The following PITPNC1 variants were observed in gnomAD, a reference collection of about 807,000 sequenced individuals.
PITPNC1 encodes the protein phosphatidylinositol transfer protein cytoplasmic 1, also known as cytoplasmic phosphatidylinositol transfer protein 1.
PITPNC1 carries 18 observed loss-of-function variants against 44.7 expected under a neutral mutation model. That is an observed-to-expected ratio of 0.40 (90% confidence interval 0.28 to 0.60). PITPNC1 has a LOEUF of 0.60. Ranked by LOEUF, PITPNC1 falls within the 20% of genes least tolerant of loss-of-function variation. The pLI is 0.39. For synonymous variants in PITPNC1, 141 were observed against 149.6 expected, an observed-to-expected ratio of 0.94 and a Z score of 0.42; for missense variants, 290 against 418.4, an observed-to-expected ratio of 0.69 and a Z score of 2.68.
At chr17:67,675,572 G>T in intron 8 of PITPNC1, 30 bp downstream of exon 8, 1 of 1,459,744 alleles carries the variant, frequency 6.9e-7, no homozygotes, top group Non-Finnish European at 9.6e-7. Flanking sequence ...ATAACTTGTA[G>T]AACAACTTCA....
chr17:67,538,579 A>G (rs2040562028), intron 2 of PITPNC1, among the ~76,000 whole-genome samples: 1 of 152,178 alleles, frequency 6.6e-6, no homozygotes, highest in Non-Finnish European at 1.5e-5. Flanking sequence ...CAGCCTGGGC[A>G]ACAGAGCAAG....
intron 1 of PITPNC1, among the ~76,000 whole-genome samples, chr17:67,439,923 C>T (rs2038989137): frequency 6.6e-6 from 1 of 152,058 alleles, no homozygotes; most frequent in Non-Finnish European, 1.5e-5. Context: ...AAAAAGCAAA[C>T]AAACAAGTTA....
At chr17:67,447,539 A>T (rs1213420211) in intron 1 of PITPNC1, among the ~76,000 whole-genome samples, 3 of 151,166 alleles carry the variant, frequency 2.0e-5, no homozygotes, top group Non-Finnish European at 4.4e-5. Context: ...TAATTTTAAA[A>T]TTTTTTTGTA....
intron 1 of PITPNC1, among the ~76,000 whole-genome samples, chr17:67,466,303 A>C (rs1190462774): frequency 3.3e-5 from 5 of 152,142 alleles, no homozygotes; most frequent in Non-Finnish European, 5.9e-5. Flanking sequence ...TGGAATTTAC[A>C]GGTGTGAGCC....
intron 5 of PITPNC1, among the ~76,000 whole-genome samples, chr17:67,606,566 C>T (rs1275334262): frequency 1.3e-5 from 2 of 152,174 alleles, no homozygotes; most frequent in Non-Finnish European, 2.9e-5. Context: ...AAAGTGAGGA[C>T]CCTTTGCCTG....
chr17:67,667,348 G>A (rs529104258), intron 6 of PITPNC1, among the ~76,000 whole-genome samples: 2 of 151,834 alleles, frequency 1.3e-5, no homozygotes, highest in African/African-American at 2.4e-5. Context: ...GGGCAACATG[G>A]CAATACCCCA....
chr17:67,416,948 G>C (rs1319255075), intron 1 of PITPNC1, among the ~76,000 whole-genome samples: 1 of 151,700 alleles, frequency 6.6e-6, no homozygotes, highest in Non-Finnish European at 1.5e-5. Context: ...GAGTAGCTGG[G>C]ATTACAGGCA....
chr17:67,666,885 C>G (rs1478882049), intron 6 of PITPNC1, among the ~76,000 whole-genome samples: 1 of 152,240 alleles, frequency 6.6e-6, no homozygotes. Flanking sequence ...CTTGGCGGAG[C>G]CACGGCCAGA....
intron 2 of PITPNC1, among the ~76,000 whole-genome samples, chr17:67,535,710 CT>C (rs1328421481): frequency 6.6e-6 from 1 of 152,152 alleles, no homozygotes; most frequent in Non-Finnish European, 1.5e-5. Flanking sequence ...TGAAATATAA[CT>C]ATGTAAAGAA....
At chr17:67,654,309 T>A (rs995264899) in intron 6 of PITPNC1, among the ~76,000 whole-genome samples, 31 of 152,208 alleles carry the variant, frequency 2.0e-4, no homozygotes, top group African/African-American at 7.5e-4. Context: ...CCACCCAGGC[T>A]TTCACTCACA....
chr17:67,684,761 A>G lies in PITPNC1; in HGVS notation c.683-7811A>G, dbSNP rs568129051. On this transcript the variant is annotated intron_variant, in intron 8 of 8. Coordinates refer to ENST00000581322, the MANE Select transcript of PITPNC1 (RefSeq NM_012417.4). ...CTATCAGTCCCCTGGGTTGTTTTCA[A>G]TTTTTCATTATTATGAACATTGCTG... Among the ~76,000 whole-genome samples, 6 of 152,124 alleles carry G rather than the reference A, an allele frequency of 3.9e-5. No homozygotes were observed. In the South Asian group the frequency reaches 1.2e-3, roughly 31 times the overall value.
chr17:67,494,974 C>T (rs868557598), intron 1 of PITPNC1, among the ~76,000 whole-genome samples: 1 of 135,392 alleles, frequency 7.4e-6, no homozygotes, highest in Middle Eastern at 3.9e-3. Flanking sequence ...TCGTCTCAAA[C>T]TGGCAAAAAA....
intron 2 of PITPNC1, among the ~76,000 whole-genome samples, chr17:67,536,431 T>C (rs529803616): frequency 1.3e-5 from 2 of 152,170 alleles, no homozygotes; most frequent in Non-Finnish European, 2.9e-5. Context: ...TTCACCATGT[T>C]GGCCAGGCTG....
intron 1 of PITPNC1, among the ~76,000 whole-genome samples, chr17:67,505,806 G>C (rs2040094148): frequency 6.6e-6 from 1 of 152,198 alleles, no homozygotes; most frequent in Admixed American, 6.5e-5. Context: ...TGTAGGGAGT[G>C]TTTCCTAGCC....
intron 4 of PITPNC1, among the ~76,000 whole-genome samples, chr17:67,566,726 A>G (rs183966507): frequency 7.0e-4 from 106 of 152,334 alleles, no homozygotes; most frequent in Non-Finnish European, 4.6e-4. Context: ...CGTCTATCAT[A>G]TGACAGATTC....
intron 6 of PITPNC1, among the ~76,000 whole-genome samples, chr17:67,635,984 A>G (rs746032319): frequency 6.6e-6 from 1 of 152,174 alleles, no homozygotes; most frequent in Non-Finnish European, 1.5e-5. Flanking sequence ...TACAGCACAG[A>G]AAGCCCCTCA....
chr17:67,497,665 C>T (rs1309428558), intron 1 of PITPNC1, among the ~76,000 whole-genome samples: 3 of 149,782 alleles, frequency 2.0e-5, no homozygotes, highest in Non-Finnish European at 4.4e-5. Flanking sequence ...ATAGGTGGGA[C>T]CACACGTGTG....
At chr17:67,532,236 G>A (rs1033368461) in intron 1 of PITPNC1, among the ~76,000 whole-genome samples, 40 of 152,246 alleles carry the variant, frequency 2.6e-4, no homozygotes, top group Middle Eastern at 3.4e-3. Flanking sequence ...GGGGAGCCGG[G>A]GCCTCTGGAG....
At chr17:67,391,303 T>A (rs1355319350) in intron 1 of PITPNC1, among the ~76,000 whole-genome samples, 1 of 152,032 alleles carries the variant, frequency 6.6e-6, no homozygotes, top group African/African-American at 2.4e-5. Flanking sequence ...AAGTACCTAA[T>A]CTAAGCCGCT....
Sources: gnomAD v4.1 joint callset for allele counts (sites outside exome capture counted in the v4.1 genomes callset) on GRCh38, gnomAD v4.1.1 for gene constraint, MANE v1.5 for transcripts, NCBI Gene and HGNC (gene_info 2026-07-23, HGNC 2026-07-21) for gene names.